GPR78: variants seen among roughly 807,000 people sequenced by gnomAD.
GPR78 encodes G protein-coupled receptor 78.
In GPR78, 29 loss-of-function variants were observed where a neutral mutation model predicts 17.9. That is an observed-to-expected ratio of 1.62 (90% CI 1.20 to 2.21). GPR78 has a LOEUF of 2.21. Ranked by LOEUF, GPR78 falls within the 30% of genes most tolerant of loss-of-function variation. The pLI, the probability that GPR78 is intolerant of heterozygous loss-of-function variation, is 0.00. For missense variants in GPR78, 649 were observed against 530.5 expected, an observed-to-expected ratio of 1.22 and a Z score of -2.19; for synonymous variants, 349 against 256.9, an observed-to-expected ratio of 1.36 and a Z score of -3.43.
rs934633549 is a variant in GPR78 at position 8,580,794 on chromosome 4, C to A, written c.-189C>A. On this transcript the variant is annotated 5_prime_UTR_variant, in exon 1 of 3. Coordinates refer to ENST00000382487, the MANE Select transcript of GPR78 (RefSeq NM_080819.5). Reference sequence around the variant, plus strand: ...CTCCTGCTCCGCAGAGCTACGCCCTCCCCCCGGGTGCCCCGGACCCTGCAC... The same window carrying A: ...CTCCTGCTCCGCAGAGCTACGCCCTACCCCCGGGTGCCCCGGACCCTGCAC... 9.8e-6 allele frequency: 6 copies of A among 614,910 alleles called. No individual in the cohort carries two copies. The highest frequency in any genetic ancestry group is 9.6e-5 in the African/African-American group (5 of 52,032). 38.1% of individuals were successfully genotyped at this position (614,910 alleles called of 1,614,324 possible).
In GPR78 at chr4:8,581,117, G is replaced by C. The variant is rs754463938; in HGVS notation, c.135G>C (p.Leu45=). 6 of 1,606,340 alleles carry C rather than the reference G, an allele frequency of 3.7e-6. No homozygotes were observed. The highest frequency in any genetic ancestry group is 4.2e-6 in the Non-Finnish European group (5 of 1,179,754). ...ELRTRASGVL[L]VNLSLGHLLL... is the part of the protein sequence containing the mutation. ...GCACTCGAGCCTCAGGCGTCCTCCT[G>C]GTGAATCTGTCTCTGGGCCACCTGC... The change falls in exon 1 of 3, where the codon CTG becomes CTC. Residue 45 remains leucine (L), a synonymous_variant. Coordinates refer to ENST00000382487, the MANE Select transcript of GPR78 (RefSeq NM_080819.5).
Position 8,588,141 on chromosome 4 carries a change from G to T in GPR78, c.*778G>T, listed in dbSNP as rs527393924. On this transcript the variant is annotated 3_prime_UTR_variant, in exon 3 of 3. Coordinates refer to ENST00000382487, the MANE Select transcript of GPR78 (RefSeq NM_080819.5). ...GATATCATCAGAGCATGTGACCTCT[G>T]TTTCCTCCCCCTGAAGGCCACCGCT... Among the ~76,000 whole-genome samples the T allele has an allele frequency of 6.6e-6, 1 of 152,210 alleles. No individual in the cohort carries two copies. The highest frequency in any genetic ancestry group is 1.5e-5 in the Non-Finnish European group (1 of 68,036).
intron 2 of GPR78, among the ~76,000 whole-genome samples, chr4:8,585,679 C>G (rs1305740650): frequency 6.6e-6 from 1 of 152,130 alleles, no homozygotes; most frequent in African/African-American, 2.4e-5. Flanking sequence ...GTGTCCCTGC[C>G]CTGATTTTTG....
chr4:8,584,772 G>T (rs576313958), intron 2 of GPR78, among the ~76,000 whole-genome samples: 21 of 152,200 alleles, frequency 1.4e-4, no homozygotes, highest in Non-Finnish European at 3.1e-4. Context: ...TAATGCAGTT[G>T]GTGGCTTAAC....
At position 8,581,153 on chromosome 4, in the gene GPR78, GC is replaced by G. The variant is rs763902763; in HGVS notation, c.172del (p.Leu58TrpfsTer10). On this transcript the variant is annotated frameshift_variant, in exon 1 of 3. Transcript: ENST00000382487. LOFTEE classifies it high-confidence loss of function. Reference sequence around the variant, plus strand: ...CTCTGGGCCACCTGCTGCTGGCGGCGCTGGACATGCCCTTCACGCTGCTCGG... The same window carrying G: ...CTCTGGGCCACCTGCTGCTGGCGGCGTGGACATGCCCTTCACGCTGCTCGG... ...LSLGHLLLAA[L>X]DMPFTLLGVM... is the part of the protein sequence containing the mutation. 6.2e-7 allele frequency: 1 copy of G among 1,604,138 alleles called. No individual in the cohort carries two copies. Among genetic ancestry groups the G allele is most frequent in the Admixed American group, 1.7e-5 (1 of 59,988 alleles).
In GPR78 at chr4:8,587,325, G is replaced by T; in HGVS notation, c.1054G>T (p.Asp352Tyr). Residue 352 changes from aspartate (D) to tyrosine (Y), a missense_variant, in exon 3 of 3, where the codon GAC (aspartate) becomes TAC (tyrosine). Asp to Tyr is a radical substitution (Grantham distance 160). Transcript: ENST00000382487. ...AGCGTCCACCCACAACGGCTCTGTG[G>T]ACACAGAGAATGATTCCTGCCTGCA... ...RPASTHNGSV[D>Y]TENDSCLQQT... The T allele has an allele frequency of 6.2e-7, 1 of 1,613,140 alleles. No individual in the cohort carries two copies. Among genetic ancestry groups the T allele is most frequent in the East Asian group, 2.2e-5 (1 of 44,882 alleles).
chr4:8,583,999 C>G (rs1713398015), intron 2 of GPR78, among the ~76,000 whole-genome samples: 1 of 152,176 alleles, frequency 6.6e-6, no homozygotes, highest in African/African-American at 2.4e-5. Context: ...CGGGAACCAG[C>G]TATTTATCTG....
At position 8,589,414 on chromosome 4, in the gene GPR78, C is replaced by T. The variant is rs969292436; in HGVS notation, c.*2051C>T. Reference sequence around the variant, plus strand: ...GCGTCATGCCCTGATTCACAGAGGGCACAGGTGGGTGTCATGCCCTGGTTC... The same window carrying T: ...GCGTCATGCCCTGATTCACAGAGGGTACAGGTGGGTGTCATGCCCTGGTTC... On this transcript the variant is annotated 3_prime_UTR_variant, in exon 3 of 3. Transcript: ENST00000382487. Among the ~76,000 whole-genome samples the T allele has an allele frequency of 6.6e-6, 1 of 152,048 alleles. No homozygotes were observed. Among genetic ancestry groups the T allele is most frequent in the Non-Finnish European group, 1.5e-5 (1 of 68,002 alleles).
At position 8,582,661 on chromosome 4, in the gene GPR78, C is replaced by G; in HGVS notation, c.782+17C>G. On this transcript the variant is annotated intron_variant, in intron 2 of 2. Transcript: ENST00000382487. ...CATGACCAGGTGGGTCCTGGCAGTC[C>G]GGCTCCTGTTGTGGGAACAGCTGGG... The G allele has an allele frequency of 6.5e-7, 1 of 1,528,484 alleles. No homozygotes were observed. Among genetic ancestry groups the G allele is most frequent in the South Asian group, 1.1e-5 (1 of 89,448 alleles). 94.7% of individuals were successfully genotyped at this position (1,528,484 alleles called of 1,614,324 possible). A position where few individuals can be genotyped will look rare whatever the true frequency, so the allele number is the denominator to read the frequency against.
chr4:8,587,154 T>C lies in GPR78; in HGVS notation c.883T>C (p.Ser295Pro). 3 of 1,613,284 alleles carry C rather than the reference T, an allele frequency of 1.9e-6. No individual in the cohort carries two copies. Among genetic ancestry groups the C allele is most frequent in the Non-Finnish European group, 2.5e-6 (3 of 1,179,970 alleles). ...SKAVADPFTY[S>P]LLRRPFRQVL... ...GGCGGTGGCCGACCCGTTCACGTAC[T>C]CTCTGCTCCGCCGGCCGTTCCGCCA... The change falls in exon 3 of 3, where the codon TCT becomes CCT. Residue 295 changes from serine to proline, a missense_variant. Physicochemically the swap from Ser to Pro is moderately conservative, Grantham distance 74 (BLOSUM62 -1). Transcript: ENST00000382487.
chr4:8,584,888 TCTC>T (rs1273765655), intron 2 of GPR78, among the ~76,000 whole-genome samples: 1 of 152,206 alleles, frequency 6.6e-6, no homozygotes, highest in Admixed American at 6.5e-5. Flanking sequence ...TCAGAGCTCT[TCTC>T]CTGGGAATTG....
At chr4:8,584,058 A>G (rs1416427552) in intron 2 of GPR78, among the ~76,000 whole-genome samples, 1 of 152,210 alleles carries the variant, frequency 6.6e-6, no homozygotes, top group African/African-American at 2.4e-5. Flanking sequence ...GCATGCATGC[A>G]TGTGTATGTT....
Position 8,587,106 on chromosome 4 carries a change from A to G in GPR78, c.835A>G (p.Ser279Gly). The G allele has an allele frequency of 1.9e-6, 3 of 1,613,322 alleles. No homozygotes were observed. Among genetic ancestry groups the G allele is most frequent in the Non-Finnish European group, 2.5e-6 (3 of 1,179,992 alleles). The change falls in exon 3 of 3, where the codon AGC (serine) becomes GGC (glycine). Residue 279 changes from serine to glycine, a missense_variant. Physicochemically the swap from Ser to Gly is moderately conservative, Grantham distance 56. Transcript: ENST00000382487. ...VTVNAQWGILSKCLTYSKAVA... is the reference protein window; with the variant it reads ...VTVNAQWGILGKCLTYSKAVA... The stretch of plus-strand genomic sequence containing the variant: ...CGTGAACGCCCAGTGGGGCATCCTC[A>G]GCAAGTGCCTGACCTACAGCAAGGC...
chr4:8,585,629 G>A (rs1294590807), intron 2 of GPR78, among the ~76,000 whole-genome samples: 1 of 152,200 alleles, frequency 6.6e-6, no homozygotes, highest in East Asian at 1.9e-4. Context: ...CCTCACCACA[G>A]CCTGGGGTAG....
chr4:8,585,831 G>A (rs563945625), intron 2 of GPR78, among the ~76,000 whole-genome samples: 10 of 152,292 alleles, frequency 6.6e-5, no homozygotes, highest in Non-Finnish European at 8.8e-5. Flanking sequence ...TGGGTGCCTC[G>A]GAGGGAGGGA....
Position 8,587,045 on chromosome 4 carries a change from C to T in GPR78, c.783-9C>T. ...TGTGGCTGAGTTAGCTGCTCCGCTT[C>T]CCCAACAGGCTGGCGGAGCTCGTGC... On this transcript the variant is annotated splice_polypyrimidine_tract_variant and intron_variant, in intron 2 of 2. Coordinates refer to ENST00000382487, the MANE Select transcript of GPR78 (RefSeq NM_080819.5). The T allele has an allele frequency of 6.2e-7, 1 of 1,608,216 alleles. No homozygotes were observed. Among genetic ancestry groups the T allele is most frequent in the Non-Finnish European group, 8.5e-7 (1 of 1,176,368 alleles).
In GPR78 at chr4:8,581,051, C is replaced by T. The variant is rs765752843; in HGVS notation, c.69C>T (p.Asn23=). ...TACTGGCCGTGGCGCTGCTATCCAA[C>T]GCACTGGTGCTGCTTTGTTGCGCCT... ...VMVLAVALLS[N]ALVLLCCAYS... The change falls in exon 1 of 3, where the codon AAC becomes AAT. Residue 23 remains asparagine (N), a synonymous_variant. Coordinates refer to ENST00000382487, the MANE Select transcript of GPR78 (RefSeq NM_080819.5). 6.2e-6 allele frequency: 10 copies of T among 1,605,326 alleles called. No homozygotes were observed. Among genetic ancestry groups the T allele is most frequent in the African/African-American group, 1.3e-5 (1 of 75,000 alleles).
chr4:8,586,929 C>T, intron 2 of GPR78, 125 bp from the exon 3 acceptor site: 1 of 813,972 alleles, frequency 1.2e-6, no homozygotes, highest in Admixed American at 2.4e-5. Context: ...TGCAGAGCCC[C>T]CTGGCTAGTG....
chr4:8,584,007 C>A (rs979542156), intron 2 of GPR78, among the ~76,000 whole-genome samples: 2 of 152,164 alleles, frequency 1.3e-5, no homozygotes, highest in Non-Finnish European at 2.9e-5. Context: ...AGCTATTTAT[C>A]TGATTATCAT....
Sources: allele counts gnomAD v4.1 joint callset (sites outside exome capture counted in the v4.1 genomes callset), GRCh38; gene constraint gnomAD v4.1.1; transcripts MANE v1.5; gene names NCBI Gene and HGNC (gene_info 2026-07-23, HGNC 2026-07-21).